CFAP47: variants seen among roughly 807,000 people sequenced by gnomAD.
CFAP47 encodes the protein cilia- and flagella-associated protein 47.
In CFAP47, 29 loss-of-function variants were observed where a neutral mutation model predicts 148.1. The ratio of observed to expected loss-of-function variants is 0.20; its 90% CI spans 0.15 to 0.27. The LOEUF is 0.27. CFAP47 is among the 10% of genes least tolerant of loss of function. The probability of loss-of-function intolerance (pLI) is 1.00; values close to 1 mark genes in which losing one functional copy is unlikely to be tolerated. For synonymous variants in CFAP47, 664 were observed against 577.3 expected (o/e 1.15, Z -2.15); for missense variants, 1,872 against 1,697.5 (o/e 1.10, Z -1.81).
chrX:36,118,799 A>C (rs1938689104), intron 33 of CFAP47, among the ~76,000 whole-genome samples: 2 of 112,085 alleles, frequency 1.8e-5, no homozygotes, highest in Admixed American at 9.5e-5. Context: ...TCTTTAGTTA[A>C]GGAAATTCCT....
chrX:36,305,604 A>G (rs1189960996), intron 54 of CFAP47, among the ~76,000 whole-genome samples: 2 of 111,773 alleles, frequency 1.8e-5, no homozygotes, highest in African/African-American at 6.5e-5. Context: ...GAAAAATACT[A>G]TCACATTTTA....
At chrX:36,263,331 C>T (rs1940852141) in intron 49 of CFAP47, among the ~76,000 whole-genome samples, 2 of 111,992 alleles carry the variant, frequency 1.8e-5, no homozygotes, top group South Asian at 7.4e-4. Context: ...CTTCCTTTAT[C>T]CTTGACCTTT....
chrX:36,180,408 C>T (rs1218525278), intron 40 of CFAP47, among the ~76,000 whole-genome samples: 2 of 111,594 alleles, frequency 1.8e-5, no homozygotes, highest in African/African-American at 6.5e-5. Context: ...CCTATGTTGA[C>T]CATTACTACT....
chrX:36,017,954 G>A (rs568369396), intron 22 of CFAP47, among the ~76,000 whole-genome samples: 2 of 110,889 alleles, frequency 1.8e-5, no homozygotes, highest in African/African-American at 6.6e-5. Flanking sequence ...ATTGCTTTGG[G>A]TAATATGGAT....
intron 30 of CFAP47, among the ~76,000 whole-genome samples, chrX:36,087,877 G>A (rs1938115779): frequency 9.0e-6 from 1 of 111,534 alleles, no homozygotes; most frequent in Admixed American, 9.5e-5. Flanking sequence ...AGCAAACAAC[G>A]TAAATTTTTT....
chrX:35,935,690 G>T (rs1935901832), intron 2 of CFAP47, among the ~76,000 whole-genome samples: 1 of 109,096 alleles, frequency 9.2e-6, no homozygotes, highest in Non-Finnish European at 1.9e-5. Flanking sequence ...TTAAGTGTGT[G>T]TTTGCTAGTG....
chrX:35,988,121 T>C (rs1474475330), intron 15 of CFAP47, among the ~76,000 whole-genome samples: 1 of 111,497 alleles, frequency 9.0e-6, no homozygotes, highest in African/African-American at 3.3e-5. Flanking sequence ...CTTTTTACAT[T>C]GAGAAAGGCC....
intron 20 of CFAP47, among the ~76,000 whole-genome samples, chrX:36,001,142 G>A (rs1936909868): frequency 9.0e-6 from 1 of 111,504 alleles, no homozygotes; most frequent in Admixed American, 9.5e-5. Context: ...CAAGATAGTA[G>A]CGTTTGAGTC....
At chrX:36,162,014 G>T (rs1345882519) in intron 39 of CFAP47, among the ~76,000 whole-genome samples, 1 of 112,145 alleles carries the variant, frequency 8.9e-6, no homozygotes, top group African/African-American at 3.2e-5. Flanking sequence ...ATGACTGACT[G>T]CAGTTCCTCA....
At chrX:36,326,220 T>G (rs1941516212) in intron 57 of CFAP47, among the ~76,000 whole-genome samples, 1 of 111,123 alleles carries the variant, frequency 9.0e-6, no homozygotes, top group Admixed American at 9.7e-5. Flanking sequence ...TACTTCAAAC[T>G]TTTTCTCTTG....
Position 36,352,696 on chromosome X carries a change from G to A in CFAP47, c.8699-833G>A, listed in dbSNP as rs1170176904. ...CAGTACACATGGTTACAGAGCTAAT[G>A]TCAAAATAATACATTGATATTCCTC... is the stretch of plus-strand genomic sequence containing the variant. On this transcript the variant is annotated intron_variant, in intron 59 of 63. Transcript: ENST00000378653. Among the ~76,000 whole-genome samples the A allele has an allele frequency of 3.6e-5, 4 of 110,413 alleles. No homozygotes were observed. In the East Asian group the frequency reaches 1.1e-3, roughly 31 times the overall value.
At chrX:35,968,494 A>G (rs909226418) in intron 10 of CFAP47, among the ~76,000 whole-genome samples, 1 of 111,802 alleles carries the variant, frequency 8.9e-6, no homozygotes, top group African/African-American at 3.2e-5. Flanking sequence ...GTTTTTACAC[A>G]TTTGAGACCG....
At chrX:36,182,003 G>T (rs1460242912) in intron 40 of CFAP47, among the ~76,000 whole-genome samples, 2 of 112,438 alleles carry the variant, frequency 1.8e-5, no homozygotes, top group African/African-American at 6.4e-5. Flanking sequence ...CTAAAGAGAA[G>T]AAGTTACTAT....
rs782391855 is a variant in CFAP47, at chrX:36,366,973, A to G, written c.9031A>G (p.Ile3011Val). ...FTPKKPLRSH[I>V]TLKIECVTEG... ...TCTCCTTTTATATTCAAGGTCTCAC[A>G]TAACACTGAAAATAGAGTGCGTAAC... Residue 3011 changes from isoleucine (I) to valine (V), a missense_variant, in exon 62 of 64, where the codon ATA becomes GTA. Transcript: ENST00000378653. 6.7e-5 allele frequency: 76 copies of G among 1,132,550 alleles called. 1 individual carries two copies. Among genetic ancestry groups the G allele is most frequent in the South Asian group, 5.0e-4 (23 of 46,321 alleles). 93.3% of individuals were successfully genotyped at this position (1,132,550 alleles called of 1,213,427 possible).
At chrX:35,923,990 CAT>C (rs758777052) in intron 1 of CFAP47, among the ~76,000 whole-genome samples, 4 of 97,672 alleles carry the variant, frequency 4.1e-5, no homozygotes, top group South Asian at 4.5e-4. Context: ...TATATATGTA[CAT>C]ATATGTGTAT....
chrX:36,375,123 CCT>C, intron 62 of CFAP47: 1 of 350,474 alleles, frequency 2.9e-6, no homozygotes, highest in East Asian at 6.6e-5. Flanking sequence ...CTGGCGTTTG[CCT>C]CTCTTTTCTG....
chrX:36,040,406 G>A (rs1293957041), intron 25 of CFAP47, among the ~76,000 whole-genome samples: 1 of 111,549 alleles, frequency 9.0e-6, no homozygotes, highest in Admixed American at 9.6e-5. Flanking sequence ...GTGTTGATGA[G>A]TCCAGAGACA....
chrX:35,970,063 TC>T (rs1936466537), intron 10 of CFAP47, among the ~76,000 whole-genome samples: 1 of 51,892 alleles, frequency 1.9e-5, no homozygotes, highest in Non-Finnish European at 3.6e-5. Flanking sequence ...CCCTCCCCCC[TC>T]CCCCCATACT....
chrX:36,272,968 C>A (rs1940976470), intron 49 of CFAP47, among the ~76,000 whole-genome samples: 1 of 110,720 alleles, frequency 9.0e-6, no homozygotes, highest in Admixed American at 9.7e-5. Flanking sequence ...TATGCCTTTG[C>A]CACTTACTAA....
Sources: allele counts gnomAD v4.1 joint callset (sites outside exome capture counted in the v4.1 genomes callset), GRCh38; gene constraint gnomAD v4.1.1; transcripts MANE v1.5; gene names NCBI Gene and HGNC (gene_info 2026-07-23, HGNC 2026-07-21).